The following MEGF9 variants were observed in gnomAD, a reference collection of about 807,000 sequenced individuals.
MEGF9 encodes multiple epidermal growth factor-like domains protein 9.
In MEGF9, 6 loss-of-function variants were observed where a neutral mutation model predicts 46.8. The observed-to-expected ratio is 0.13, with a 90% confidence interval of 0.07 to 0.25. The LOEUF is 0.25. Among genes scored for constraint, MEGF9 ranks in the 10% least tolerant of loss-of-function variants. The pLI is 1.00. For synonymous variants in MEGF9, 302 were observed against 330.7 expected, an observed-to-expected ratio of 0.91 and a Z score of 0.94; for missense variants, 683 against 792.4, an observed-to-expected ratio of 0.86 and a Z score of 1.66.
Position 120,605,167 on chromosome 9 carries a change from C to A in MEGF9, c.*23G>T. On this transcript the variant is annotated 3_prime_UTR_variant, in exon 6 of 6. Coordinates refer to ENST00000373930, the MANE Select transcript of MEGF9 (RefSeq NM_001080497.3). The surrounding 1 kb of genome is among the most constrained non-coding windows in gnomAD (Gnocchi z 4.0). ...TGTCTTAGCAAGCACTGTGGTTTAACAATTCAGAACAGTTCTAGCTCCTTA... is the reference window on the plus strand; with the variant it reads ...TGTCTTAGCAAGCACTGTGGTTTAAAAATTCAGAACAGTTCTAGCTCCTTA... 1.3e-6 allele frequency: 2 copies of A among 1,585,318 alleles called. No individual in the cohort carries two copies. Among genetic ancestry groups the A allele is most frequent in the Non-Finnish European group, 1.7e-6 (2 of 1,165,152 alleles).
chr9:120,653,523 C>T (rs2043663126), intron 2 of MEGF9, among the ~76,000 whole-genome samples: 1 of 152,010 alleles, frequency 6.6e-6, no homozygotes, highest in Non-Finnish European at 1.5e-5. Context: ...AGGCGCATGC[C>T]ACCACATCCA....
intron 1 of MEGF9, among the ~76,000 whole-genome samples, chr9:120,701,621 C>T (rs914130843): frequency 6.6e-6 from 1 of 152,122 alleles, no homozygotes; most frequent in African/African-American, 2.4e-5. Context: ...GGCTCAGTAA[C>T]TTTAAAGAAG....
chr9:120,605,073 A>G lies in MEGF9; in HGVS notation c.*117T>C, dbSNP rs2132295757. The stretch of plus-strand genomic sequence containing the variant: ...TTACAAATTTGTACCTGAAAATTTC[A>G]GATGCACTATTTGCCTTTGCTTTCT... On this transcript the variant is annotated 3_prime_UTR_variant, in exon 6 of 6. Coordinates refer to ENST00000373930, the MANE Select transcript of MEGF9 (RefSeq NM_001080497.3). The surrounding 1 kb of genome is among the most constrained non-coding windows in gnomAD (Gnocchi z 4.0). 2 of 988,296 alleles carry G rather than the reference A, an allele frequency of 2.0e-6. No homozygotes were observed. Among genetic ancestry groups the G allele is most frequent in the Non-Finnish European group, 1.5e-6 (1 of 675,182 alleles). 61.2% of individuals were successfully genotyped at this position (988,296 alleles called of 1,614,324 possible).
intron 1 of MEGF9, among the ~76,000 whole-genome samples, chr9:120,698,932 G>A (rs566700711): frequency 6.6e-6 from 1 of 152,274 alleles, no homozygotes; most frequent in South Asian, 2.1e-4. Context: ...TGGGCACCTT[G>A]TCTTCTCTCA....
chr9:120,627,452 A>G (rs1384288779), intron 2 of MEGF9, among the ~76,000 whole-genome samples: 1 of 152,154 alleles, frequency 6.6e-6, no homozygotes. Flanking sequence ...AAAATTATAC[A>G]TAGTTCTTTC....
chr9:120,671,704 T>C (rs1190306741), intron 1 of MEGF9, among the ~76,000 whole-genome samples: 2 of 152,216 alleles, frequency 1.3e-5, no homozygotes, highest in African/African-American at 4.8e-5. Context: ...ATAACATCAA[T>C]TCTATAAAAT....
intron 2 of MEGF9, among the ~76,000 whole-genome samples, chr9:120,626,302 G>A (rs1460182986): frequency 6.6e-6 from 1 of 152,200 alleles, no homozygotes; most frequent in African/African-American, 2.4e-5. Flanking sequence ...GTGGAGCTAC[G>A]CTGCATTAAG....
intron 1 of MEGF9, among the ~76,000 whole-genome samples, chr9:120,693,807 T>C (rs2043861822): frequency 6.6e-6 from 1 of 152,188 alleles, no homozygotes; most frequent in Non-Finnish European, 1.5e-5. Context: ...TTTGGGGATG[T>C]AGGCTATTAG....
chr9:120,707,659 T>A (rs1468295532), intron 1 of MEGF9, among the ~76,000 whole-genome samples: 1 of 152,242 alleles, frequency 6.6e-6, no homozygotes, highest in Non-Finnish European at 1.5e-5. Flanking sequence ...AGTAAGATCC[T>A]GAATCTAGTA....
In MEGF9 at chr9:120,605,169, A is replaced by AT; in HGVS notation, c.*20dup. On this transcript the variant is annotated 3_prime_UTR_variant, in exon 6 of 6. Transcript: ENST00000373930. The surrounding 1 kb of genome is among the most constrained non-coding windows in gnomAD (Gnocchi z 4.0). The stretch of plus-strand genomic sequence containing the variant: ...TCTTAGCAAGCACTGTGGTTTAACA[A>AT]TTCAGAACAGTTCTAGCTCCTTAGG... The AT allele has an allele frequency of 6.3e-7, 1 of 1,594,864 alleles. No individual in the cohort carries two copies. The highest frequency in any genetic ancestry group is 8.5e-7 in the Non-Finnish European group (1 of 1,170,276).
intron 1 of MEGF9, among the ~76,000 whole-genome samples, chr9:120,710,381 A>T (rs2043947747): frequency 7.0e-6 from 1 of 142,752 alleles, no homozygotes; most frequent in Non-Finnish European, 1.5e-5. Context: ...CCGAGATAGC[A>T]CCATTGCACT....
chr9:120,685,036 G>A (rs1389551351), intron 1 of MEGF9, among the ~76,000 whole-genome samples: 3 of 152,056 alleles, frequency 2.0e-5, no homozygotes, highest in African/African-American at 4.8e-5. Context: ...GGATTTCACC[G>A]TGTTAGCCAG....
At chr9:120,713,694 C>T (rs2043963420) in intron 1 of MEGF9, 64 bp downstream of exon 1, 2 of 1,254,374 alleles carry the variant, frequency 1.6e-6, no homozygotes, top group South Asian at 3.8e-5. Flanking sequence ...GGCAAGAGCC[C>T]AACCCTAGAT....
Position 120,714,110 on chromosome 9 carries a change from C to T in MEGF9, c.249G>A (p.Pro83=). Residue 83 remains proline (P), a synonymous_variant, in exon 1 of 6, where the codon CCG becomes CCA. Transcript: ENST00000373930. The stretch of plus-strand genomic sequence containing the variant: ...CCAGGGGTCGGTGGACGGTGGCGCG[C>T]GGGGGCCCGGTCCTCGGGGCCTGGG... ...PTAQAPRTGP[P]RATVHRPLAA... The T allele has an allele frequency of 8.0e-7, 1 of 1,244,244 alleles. No homozygotes were observed. Among genetic ancestry groups the T allele is most frequent in the East Asian group, 3.1e-5 (1 of 31,978 alleles). 77.1% of individuals were successfully genotyped at this position (1,244,244 alleles called of 1,614,324 possible). A position where few individuals can be genotyped will look rare whatever the true frequency, so the allele number is the denominator to read the frequency against.
intron 1 of MEGF9, among the ~76,000 whole-genome samples, chr9:120,687,825 A>G (rs1036664185): frequency 1.3e-5 from 2 of 151,832 alleles, no homozygotes; most frequent in Non-Finnish European, 2.9e-5. Context: ...GATCATATTT[A>G]ATATTTTATC....
chr9:120,692,603 A>C (rs1231733999), intron 1 of MEGF9, among the ~76,000 whole-genome samples: 1 of 152,150 alleles, frequency 6.6e-6, no homozygotes, highest in African/African-American at 2.4e-5. Context: ...TGACATGGAA[A>C]GCACATCATG....
intron 1 of MEGF9, among the ~76,000 whole-genome samples, chr9:120,694,898 T>C (rs553323810): frequency 6.6e-6 from 1 of 151,948 alleles, no homozygotes; most frequent in East Asian, 1.9e-4. Flanking sequence ...GAATTTCCCA[T>C]TCACATTCAA....
intron 4 of MEGF9, 75 bp downstream of exon 4, chr9:120,612,321 C>G (rs2043451121): frequency 7.1e-7 from 1 of 1,407,862 alleles, no homozygotes; most frequent in African/African-American, 1.4e-5. Flanking sequence ...GAACTTTATT[C>G]ATCAATGCAA....
rs1426854185 is a variant in MEGF9 at position 120,605,530 on chromosome 9, T to C, written c.1469A>G (p.Gln490Arg). ...INSTFTPTTL[Q>R]TIFSVSTSEN... ...AGAAGTGCTTACTGAAAAGATAGTC[T>C]GCAGGGTTGTAGGGGTAAAAGTACT... Residue 490 changes from glutamine to arginine, a missense_variant, in exon 6 of 6, where the codon CAG becomes CGG. Transcript: ENST00000373930. The surrounding 1 kb of genome is among the most constrained non-coding windows in gnomAD (Gnocchi z 4.0). The C allele has an allele frequency of 1.2e-6, 2 of 1,613,716 alleles. No individual in the cohort carries two copies. The highest frequency in any genetic ancestry group is 2.2e-5 in the East Asian group (1 of 44,892).
Sources: allele counts gnomAD v4.1 joint callset (sites outside exome capture counted in the v4.1 genomes callset), GRCh38; gene constraint gnomAD v4.1.1; non-coding constraint Gnocchi (gnomAD v3.1); transcripts MANE v1.5; gene names NCBI Gene and HGNC (gene_info 2026-07-23, HGNC 2026-07-21).